Variants in RAPH1 observed in about 807,000 individuals in gnomAD.
RAPH1 encodes the protein ras-associated and pleckstrin homology domains-containing protein 1.
A neutral mutation model predicts 88.1 loss-of-function variants in RAPH1; 18 were observed. That is an observed-to-expected ratio of 0.20 (90% CI 0.14 to 0.30). The LOEUF is 0.30. Ranked by LOEUF, RAPH1 falls within the 10% of genes least tolerant of loss-of-function variation. The probability of loss-of-function intolerance (pLI) is 1.00; values close to 1 mark genes in which losing one functional copy is unlikely to be tolerated. For missense variants in RAPH1, 1,448 were observed against 1,543.2 expected (o/e 0.94, Z 1.03); for synonymous variants, 587 against 559.0 (o/e 1.05, Z -0.71).
intron 4 of RAPH1, among the ~76,000 whole-genome samples, chr2:203,480,518 A>G (rs1162838287): frequency 6.6e-6 from 1 of 152,246 alleles, no homozygotes; most frequent in East Asian, 1.9e-4. Context: ...ACTGCACTCC[A>G]GCCTAGGCAA....
At chr2:203,532,010 G>T (rs1356359326) in intron 1 of RAPH1, among the ~76,000 whole-genome samples, 1 of 152,114 alleles carries the variant, frequency 6.6e-6, no homozygotes, top group South Asian at 2.1e-4. Flanking sequence ...CATAAATGTG[G>T]TATATACATA....
chr2:203,447,683 G>T, intron 12 of RAPH1: 1 of 239,290 alleles, frequency 4.2e-6, no homozygotes, highest in Non-Finnish European at 8.0e-6. Flanking sequence ...ACAGTGTCCA[G>T]CAGTATGTAT....
At chr2:203,503,350 A>C (rs1472731898) in intron 1 of RAPH1, among the ~76,000 whole-genome samples, 1 of 152,180 alleles carries the variant, frequency 6.6e-6, no homozygotes, top group Non-Finnish European at 1.5e-5. Context: ...GTTTAACTGG[A>C]CGTACAGTTC....
intron 1 of RAPH1, among the ~76,000 whole-genome samples, chr2:203,521,082 C>G (rs1279691286): frequency 6.6e-6 from 1 of 152,078 alleles, no homozygotes; most frequent in East Asian, 1.9e-4. Context: ...GAGACGGAGT[C>G]TTGCTCTGTT....
At chr2:203,514,390 A>G (rs1027883528) in intron 1 of RAPH1, among the ~76,000 whole-genome samples, 1 of 152,036 alleles carries the variant, frequency 6.6e-6, no homozygotes, top group Non-Finnish European at 1.5e-5. Flanking sequence ...CTCTCTGTGT[A>G]TTCATTTGTT....
In RAPH1 at chr2:203,499,197, G is replaced by A. The variant is rs531904513; in HGVS notation, c.1-3844C>T. ...AGTTTTTTTCCTACTGTTCAAACAG[G>A]CTATTTTAAAAATCCCTTTAAAAAT... On this transcript the variant is annotated intron_variant, in intron 1 of 13. Coordinates refer to ENST00000319170, the MANE Select transcript of RAPH1 (RefSeq NM_213589.3). 3.3e-5 allele frequency among the ~76,000 whole-genome samples: 5 copies of A among 152,070 alleles called. No homozygotes were observed. The South Asian group carries it at 1.0e-3, about 32-fold the overall frequency.
Position 203,438,129 on chromosome 2 carries a change from C to T in RAPH1, c.*1308G>A. On this transcript the variant is annotated 3_prime_UTR_variant, in exon 14 of 14. Coordinates refer to ENST00000319170, the MANE Select transcript of RAPH1 (RefSeq NM_213589.3). ...CTGGACTTGGACTGTCCCACTCCAT[C>T]AGAACACCTAGTAACCTGAACTAAT... is the stretch of plus-strand genomic sequence containing the variant. The T allele has an allele frequency of 1.9e-6, 1 of 518,710 alleles. No individual in the cohort carries two copies. The highest frequency in any genetic ancestry group is 3.8e-6 in the Non-Finnish European group (1 of 259,796). 32.1% of individuals were successfully genotyped at this position (518,710 alleles called of 1,614,324 possible).
At chr2:203,511,781 A>G (rs1265374732) in intron 1 of RAPH1, among the ~76,000 whole-genome samples, 1 of 152,116 alleles carries the variant, frequency 6.6e-6, no homozygotes, top group Non-Finnish European at 1.5e-5. Context: ...CAATTCCTAT[A>G]TATGAAAAAC....
At chr2:203,505,803 G>C (rs1363592408) in intron 1 of RAPH1, among the ~76,000 whole-genome samples, 1 of 152,148 alleles carries the variant, frequency 6.6e-6, no homozygotes, top group African/African-American at 2.4e-5. Context: ...ATTTGTTACT[G>C]CAGCCCTAGC....
At chr2:203,529,438 C>G (rs987981917) in intron 1 of RAPH1, among the ~76,000 whole-genome samples, 10 of 152,182 alleles carry the variant, frequency 6.6e-5, no homozygotes, top group Middle Eastern at 3.4e-3. Flanking sequence ...CTCGGCTCAC[C>G]GCAACCTCCA....
Position 203,434,770 on chromosome 2 carries a change from A to G in RAPH1, c.*4667T>C, listed in dbSNP as rs1385510607. The G allele has an allele frequency of 6.6e-6, 1 of 152,454 alleles. No individual in the cohort carries two copies. The highest frequency in any genetic ancestry group is 1.5e-5 in the Non-Finnish European group (1 of 68,036). The allele number at this position is 152,454 out of a possible 1,614,324, so 9.4% of individuals were successfully genotyped here. On this transcript the variant is annotated 3_prime_UTR_variant, in exon 14 of 14. Transcript: ENST00000319170. ...GTATTAGTAGCCATCCATGATAAAC[A>G]TAATTAATTCTCAACTTAACCATCT... is the stretch of plus-strand genomic sequence containing the variant.
At chr2:203,513,626 A>G (rs1689461977) in intron 1 of RAPH1, among the ~76,000 whole-genome samples, 1 of 149,920 alleles carries the variant, frequency 6.7e-6, no homozygotes, top group South Asian at 2.1e-4. Context: ...ACTTGAGGTC[A>G]GGAGTTCGAG....
chr2:203,439,878 A>G lies in RAPH1; in HGVS notation c.3312T>C (p.Val1104=). The change falls in exon 14 of 14, where the codon GTT becomes GTC. Residue 1104 remains valine (V), a synonymous_variant. Transcript: ENST00000319170. The part of the protein sequence containing the change: ...SGNTSPKVAV[V]NPQPQQWSKM... ...TAGACCATTGTTGTGGTTGAGGATTAACGACTGCCACTTTTGGAGAGGTGT... is the reference window on the plus strand; with the variant it reads ...TAGACCATTGTTGTGGTTGAGGATTGACGACTGCCACTTTTGGAGAGGTGT... 1 of 1,613,904 alleles carries G rather than the reference A, an allele frequency of 6.2e-7. No individual in the cohort carries two copies. The highest frequency in any genetic ancestry group is 8.5e-7 in the Non-Finnish European group (1 of 1,179,980).
rs1009747568 is a variant in RAPH1, at chr2:203,436,576, G to A, written c.*2861C>T. The stretch of plus-strand genomic sequence containing the variant: ...AAATTATCCATAGTAGAAATTAGGA[G>A]TGTCACTAATTAAGCAAGTCACTAC... On this transcript the variant is annotated 3_prime_UTR_variant, in exon 14 of 14. Coordinates refer to ENST00000319170, the MANE Select transcript of RAPH1 (RefSeq NM_213589.3). 2 of 152,196 alleles carry A rather than the reference G, an allele frequency of 1.3e-5. No individual in the cohort carries two copies. The highest frequency in any genetic ancestry group is 4.8e-5 in the African/African-American group (2 of 41,456). The allele number at this position is 152,196 out of a possible 1,614,324, so 9.4% of individuals were successfully genotyped here. A position where few individuals can be genotyped will look rare whatever the true frequency, so the allele number is the denominator to read the frequency against.
rs1297421750 is a variant in RAPH1 at position 203,434,052 on chromosome 2, C to CTATATATA, written c.*5384_*5385insTATATATA. On this transcript the variant is annotated 3_prime_UTR_variant, in exon 14 of 14. Coordinates refer to ENST00000319170, the MANE Select transcript of RAPH1 (RefSeq NM_213589.3). Reference sequence around the variant, plus strand: ...ATATCTCTCTCATATATCTATCTATCTATCTATATATATATATATATATAT... The same window carrying CTATATATA: ...ATATCTCTCTCATATATCTATCTATCTATATATATATCTATATATATATATATATATAT... 10 of 127,458 alleles carry CTATATATA rather than the reference C, an allele frequency of 7.8e-5. No individual in the cohort carries two copies. The highest frequency in any genetic ancestry group is 1.3e-4 in the Non-Finnish European group (8 of 60,952). 7.9% of individuals were successfully genotyped at this position (127,458 alleles called of 1,614,324 possible).
intron 4 of RAPH1, among the ~76,000 whole-genome samples, chr2:203,478,664 C>T (rs1687586320): frequency 6.6e-6 from 1 of 151,950 alleles, no homozygotes; most frequent in African/African-American, 2.4e-5. Flanking sequence ...TAGTTTTGTA[C>T]TTTTAGTGGG....
At chr2:203,491,088 A>G in intron 3 of RAPH1, 126 bp downstream of exon 3, 1 of 537,550 alleles carries the variant, frequency 1.9e-6, no homozygotes, top group Non-Finnish European at 3.2e-6. Context: ...AAGAAATTTA[A>G]GAACTTGGTC....
In RAPH1 at chr2:203,506,899, T is replaced by TATA. The variant is rs1491316870; in HGVS notation, c.1-11547_1-11546insTAT. Among the ~76,000 whole-genome samples, 180 of 93,936 alleles carry TATA rather than the reference T, an allele frequency of 1.9e-3. 4 individuals are homozygous for TATA. Among genetic ancestry groups the TATA allele is most frequent in the Non-Finnish European group, 2.2e-3 (108 of 49,804 alleles). 61.6% of individuals were successfully genotyped at this position (93,936 alleles called of 152,430 possible). A position where few individuals can be genotyped will look rare whatever the true frequency, so the allele number is the denominator to read the frequency against. On this transcript the variant is annotated intron_variant, in intron 1 of 13. Transcript: ENST00000319170. The stretch of plus-strand genomic sequence containing the variant: ...ATATATAGATATATATATATATATA[T>TATA]TTTTTTTTTTTTTGAGATGAACTTT...
intron 7 of RAPH1, among the ~76,000 whole-genome samples, chr2:203,458,038 A>ATTTATTAATAAT (rs1216227332): frequency 2.5e-4 from 38 of 152,058 alleles, no homozygotes; most frequent in Non-Finnish European, 4.9e-4. Context: ...ATTCTCTGGG[A>ATTTATTAATAAT]CTCATTTATT....
Sources: allele counts gnomAD v4.1 joint callset (sites outside exome capture counted in the v4.1 genomes callset), GRCh38; gene constraint gnomAD v4.1.1; transcripts MANE v1.5; gene names NCBI Gene and HGNC (gene_info 2026-07-23, HGNC 2026-07-21).